The following NDUFAF2 variants were observed in gnomAD, a reference collection of about 807,000 sequenced individuals.
NDUFAF2 encodes the protein NADH dehydrogenase [ubiquinone] 1 alpha subcomplex assembly factor 2.
NDUFAF2 carries 13 observed loss-of-function variants against 22.8 expected under a neutral mutation model. The ratio of observed to expected loss-of-function variants is 0.57; its 90% CI spans 0.37 to 0.91. NDUFAF2 has a LOEUF of 0.91. Among genes scored for constraint, NDUFAF2 ranks in the 40% least tolerant of loss-of-function variants. The probability of loss-of-function intolerance (pLI) is 0.01; values close to 1 mark genes in which losing one functional copy is unlikely to be tolerated. For synonymous variants in NDUFAF2, 53 were observed against 64.2 expected (o/e 0.83, Z 0.84); for missense variants, 162 against 195.2 (o/e 0.83, Z 1.01).
At chr5:61,048,573 T>C (rs1751984383) in intron 1 of NDUFAF2, among the ~76,000 whole-genome samples, 1 of 152,148 alleles carries the variant, frequency 6.6e-6, no homozygotes, top group Non-Finnish European at 1.5e-5. Context: ...TGATTTGCAT[T>C]GAGAGGTTAG....
intron 2 of NDUFAF2, among the ~76,000 whole-genome samples, chr5:61,080,103 A>T (rs1482262080): frequency 6.6e-6 from 1 of 152,060 alleles, no homozygotes; most frequent in Admixed American, 6.6e-5. Context: ...TTGTTTGTGT[A>T]CTTGCATGAA....
At chr5:61,152,528 G>C (rs1334611398) in intron 3 of NDUFAF2, among the ~76,000 whole-genome samples, 176 bp from the exon 4 acceptor site, 2 of 151,974 alleles carry the variant, frequency 1.3e-5, no homozygotes, top group Non-Finnish European at 2.9e-5. Flanking sequence ...TGTAACATTA[G>C]TATGTAATCA....
chr5:61,054,125 C>T (rs546170007), intron 1 of NDUFAF2, among the ~76,000 whole-genome samples: 24 of 152,098 alleles, frequency 1.6e-4, no homozygotes, highest in Non-Finnish European at 3.5e-4. Flanking sequence ...TTTTAGAGCC[C>T]AGGAGTTCAA....
chr5:60,991,955 G>A (rs576990580), intron 1 of NDUFAF2, among the ~76,000 whole-genome samples: 21 of 152,222 alleles, frequency 1.4e-4, no homozygotes, highest in African/African-American at 4.1e-4. Context: ...CCTTGCCAGC[G>A]TTTGTTATTG....
intron 3 of NDUFAF2, among the ~76,000 whole-genome samples, chr5:61,128,938 C>A (rs1391856080): frequency 6.6e-6 from 1 of 151,918 alleles, no homozygotes; most frequent in Non-Finnish European, 1.5e-5. Context: ...ACAAAGAACT[C>A]AAACAAATTT....
At chr5:60,966,624 C>T (rs972199923) in intron 1 of NDUFAF2, among the ~76,000 whole-genome samples, 2 of 152,016 alleles carry the variant, frequency 1.3e-5, no homozygotes, top group Admixed American at 6.5e-5. Context: ...TTTCCTCTTC[C>T]CATCTGTGTT....
At chr5:61,061,758 G>T (rs1056236274) in intron 1 of NDUFAF2, among the ~76,000 whole-genome samples, 1 of 152,206 alleles carries the variant, frequency 6.6e-6, no homozygotes, top group Non-Finnish European at 1.5e-5. Flanking sequence ...TCCCAGTGCT[G>T]CCTTGGCAGC....
At chr5:61,130,326 G>C (rs1313903147) in intron 3 of NDUFAF2, among the ~76,000 whole-genome samples, 1 of 152,080 alleles carries the variant, frequency 6.6e-6, no homozygotes, top group African/African-American at 2.4e-5. Flanking sequence ...GGCATCACAA[G>C]ACTCTTCCTA....
At chr5:61,097,571 G>T (rs1253495937) in intron 2 of NDUFAF2, among the ~76,000 whole-genome samples, 1 of 152,214 alleles carries the variant, frequency 6.6e-6, no homozygotes, top group Non-Finnish European at 1.5e-5. Flanking sequence ...AGAGATAGTG[G>T]CTGGTGAATG....
chr5:61,109,139 A>G (rs1007549220), intron 3 of NDUFAF2, among the ~76,000 whole-genome samples: 10 of 152,004 alleles, frequency 6.6e-5, no homozygotes, highest in African/African-American at 9.7e-5. Context: ...TCTTGCATCA[A>G]TGTTTTATAG....
chr5:61,102,590 CTT>C (rs1752716566), intron 3 of NDUFAF2, among the ~76,000 whole-genome samples: 1 of 152,002 alleles, frequency 6.6e-6, no homozygotes, highest in Non-Finnish European at 1.5e-5. Context: ...AATGGAATAT[CTT>C]TGCAATTTTG....
intron 3 of NDUFAF2, among the ~76,000 whole-genome samples, chr5:61,117,120 T>C (rs898589424): frequency 6.6e-6 from 1 of 152,162 alleles, no homozygotes; most frequent in African/African-American, 2.4e-5. Flanking sequence ...GAAGTTAATA[T>C]ATAGTGCCTA....
chr5:61,100,108 A>C (rs1455892437), intron 3 of NDUFAF2, among the ~76,000 whole-genome samples: 1 of 127,242 alleles, frequency 7.9e-6, no homozygotes, highest in African/African-American at 2.8e-5. Flanking sequence ...TAAAATTTGG[A>C]ATAAAAGCTG....
At chr5:61,043,895 G>A (rs1317111736) in intron 1 of NDUFAF2, among the ~76,000 whole-genome samples, 3 of 152,112 alleles carry the variant, frequency 2.0e-5, no homozygotes, top group Non-Finnish European at 4.4e-5. Context: ...GGATTATTTG[G>A]TAGTCTTATT....
chr5:60,968,932 T>C (rs1750792961), intron 1 of NDUFAF2, among the ~76,000 whole-genome samples: 1 of 152,062 alleles, frequency 6.6e-6, no homozygotes, highest in African/African-American at 2.4e-5. Flanking sequence ...TTTTAATTTT[T>C]AGCTTCCACA....
At chr5:61,124,318 A>G (rs1036541483) in intron 3 of NDUFAF2, among the ~76,000 whole-genome samples, 1 of 151,924 alleles carries the variant, frequency 6.6e-6, no homozygotes, top group Admixed American at 6.6e-5. Context: ...TTTACTCTTT[A>G]CTTTTTTCCA....
intron 3 of NDUFAF2, among the ~76,000 whole-genome samples, chr5:61,102,628 G>A (rs1038852933): frequency 4.6e-5 from 7 of 152,172 alleles, no homozygotes; most frequent in African/African-American, 1.7e-4. Context: ...AGAACAATCT[G>A]TAAAGGAAAA....
intron 3 of NDUFAF2, among the ~76,000 whole-genome samples, chr5:61,100,722 C>T (rs1220059918): frequency 1.3e-5 from 2 of 151,736 alleles, no homozygotes; most frequent in Admixed American, 6.6e-5. Context: ...CCTTTTTTTC[C>T]TTGAAGTAAG....
At chr5:61,144,480 C>A (rs1437034511) in intron 3 of NDUFAF2, among the ~76,000 whole-genome samples, 1 of 151,922 alleles carries the variant, frequency 6.6e-6, no homozygotes, top group East Asian at 1.9e-4. Context: ...AGATAATATT[C>A]CTAAAAAATA....
Sources: allele counts gnomAD v4.1 joint callset (sites outside exome capture counted in the v4.1 genomes callset), GRCh38; gene constraint gnomAD v4.1.1; transcripts MANE v1.5; gene names NCBI Gene and HGNC (gene_info 2026-07-23, HGNC 2026-07-21).